The following GAB2 variants were observed in gnomAD, a reference collection of about 807,000 sequenced individuals.
The protein encoded by GAB2 is GRB2-associated-binding protein 2.
GAB2 carries 26 observed loss-of-function variants against 65.5 expected under a neutral mutation model. That is an observed-to-expected ratio of 0.40 (90% CI 0.29 to 0.55). The LOEUF (loss-of-function observed/expected upper bound fraction) is 0.55. GAB2 is among the 20% of genes least tolerant of loss of function. GAB2 has a pLI of 0.53. For missense variants in GAB2, 884 were observed against 875.8 expected, an observed-to-expected ratio of 1.01 and a Z score of -0.12; for synonymous variants, 321 against 329.6, an observed-to-expected ratio of 0.97 and a Z score of 0.28.
chr11:78,224,700 C>T (rs910976031), intron 5 of GAB2, among the ~76,000 whole-genome samples: 2 of 152,128 alleles, frequency 1.3e-5, no homozygotes, highest in African/African-American at 4.8e-5. Flanking sequence ...ATCCTGCACT[C>T]AAGCCATAAT....
rs1366433108 is a variant in GAB2, at chr11:78,417,666, C to T, written c.55G>A (p.Glu19Lys). ...CTGWLRKSPP[E>K]KKLRRYAWKK... ...CTCACATAGCGCCTCAACTTCTTCTCGGGAGGCGATTTCCTCAGCCAGCCG... is the reference window on the plus strand; with the variant it reads ...CTCACATAGCGCCTCAACTTCTTCTTGGGAGGCGATTTCCTCAGCCAGCCG... Residue 19 changes from glutamate (E) to lysine (K), a missense_variant, in exon 1 of 10, where the codon GAG (glutamate) becomes AAG (lysine). Physicochemically the swap from Glu to Lys is moderately conservative, Grantham distance 56. Transcript: ENST00000361507. The T allele has an allele frequency of 7.2e-7, 1 of 1,389,880 alleles. No homozygotes were observed. 86.1% of individuals were successfully genotyped at this position (1,389,880 alleles called of 1,614,324 possible). A position where few individuals can be genotyped will look rare whatever the true frequency, so the allele number is the denominator to read the frequency against.
chr11:78,286,151 C>G (rs1460885198), intron 1 of GAB2, among the ~76,000 whole-genome samples: 1 of 152,204 alleles, frequency 6.6e-6, no homozygotes, highest in Non-Finnish European at 1.5e-5. Flanking sequence ...TTCCTCGTCT[C>G]ACAGAATTTA....
intron 1 of GAB2, among the ~76,000 whole-genome samples, chr11:78,323,662 T>G: frequency 6.7e-6 from 1 of 148,492 alleles, no homozygotes; most frequent in Admixed American, 6.7e-5. Flanking sequence ...AGGAGGGGGG[T>G]AAGGTTGAGA....
chr11:78,357,931 C>A (rs984406538), intron 1 of GAB2, among the ~76,000 whole-genome samples: 5 of 152,164 alleles, frequency 3.3e-5, no homozygotes, highest in Non-Finnish European at 5.9e-5. Context: ...TTGATCCAGC[C>A]ATCCCATTAC....
At chr11:78,274,919 G>A (rs1016955186) in intron 2 of GAB2, among the ~76,000 whole-genome samples, 2 of 152,212 alleles carry the variant, frequency 1.3e-5, no homozygotes, top group African/African-American at 4.8e-5. Flanking sequence ...GGTTAGACTA[G>A]AATCCCAACT....
intron 1 of GAB2, among the ~76,000 whole-genome samples, chr11:78,381,047 C>CTTAA (rs201466696): frequency 6.6e-6 from 1 of 152,194 alleles, no homozygotes; most frequent in Non-Finnish European, 1.5e-5. Context: ...GGTGGCCATA[C>CTTAA]TTAAGCTTTG....
chr11:78,373,248 T>G (rs1856594685), intron 1 of GAB2, among the ~76,000 whole-genome samples: 1 of 151,874 alleles, frequency 6.6e-6, no homozygotes, highest in Non-Finnish European at 1.5e-5. Flanking sequence ...CTTTTTTTTT[T>G]TTTTTTTTGA....
intron 1 of GAB2, among the ~76,000 whole-genome samples, chr11:78,351,419 T>A (rs1268917048): frequency 6.6e-6 from 1 of 152,218 alleles, no homozygotes; most frequent in Non-Finnish European, 1.5e-5. Flanking sequence ...CCTCTCTGGA[T>A]TCCCAGGTGG....
At chr11:78,250,800 G>A (rs765376135) in intron 2 of GAB2, among the ~76,000 whole-genome samples, 10 of 152,162 alleles carry the variant, frequency 6.6e-5, no homozygotes, top group Non-Finnish European at 1.2e-4. Flanking sequence ...GTCTTTTGCA[G>A]CAACATGAAT....
intron 1 of GAB2, among the ~76,000 whole-genome samples, chr11:78,307,568 G>C (rs987427192): frequency 7.1e-6 from 1 of 141,240 alleles, no homozygotes; most frequent in East Asian, 2.1e-4. Flanking sequence ...GACCAGCATG[G>C]GAAAGATGGT....
intron 1 of GAB2, among the ~76,000 whole-genome samples, chr11:78,331,435 C>T (rs996934463): frequency 3.9e-5 from 6 of 151,942 alleles, no homozygotes; most frequent in African/African-American, 1.4e-4. Flanking sequence ...TTAGTAGAGA[C>T]GGGGTTTTAC....
chr11:78,395,646 G>C (rs1348836905), intron 1 of GAB2, among the ~76,000 whole-genome samples: 1 of 152,206 alleles, frequency 6.6e-6, no homozygotes, highest in East Asian at 1.9e-4. Flanking sequence ...GAGGAGAAGG[G>C]AGATTTGGAC....
rs141562634 is a variant in GAB2, at chr11:78,276,481, G to C, written c.376+4120C>G. ...CTCCTCCTTAGGGAGGCCTAAGCTGGTGGTGTATGTGTCGCTAATCTTGGT... is the reference window on the plus strand; with the variant it reads ...CTCCTCCTTAGGGAGGCCTAAGCTGCTGGTGTATGTGTCGCTAATCTTGGT... On this transcript the variant is annotated intron_variant, in intron 2 of 9. Transcript: ENST00000361507. Among the ~76,000 whole-genome samples, 7 of 152,260 alleles carry C rather than the reference G, an allele frequency of 4.6e-5. 1 individual carries two copies. The East Asian group carries it at 1.4e-3, about 30-fold the overall frequency.
chr11:78,360,670 C>CAACATGGCGAA (rs1856422811), intron 1 of GAB2, among the ~76,000 whole-genome samples: 1 of 152,032 alleles, frequency 6.6e-6, no homozygotes, highest in South Asian at 2.1e-4. Flanking sequence ...CCAGCCTGGC[C>CAACATGGCGAA]AACATGGCGA....
At chr11:78,382,605 G>A (rs970682414) in intron 1 of GAB2, among the ~76,000 whole-genome samples, 20 of 152,116 alleles carry the variant, frequency 1.3e-4, no homozygotes, top group African/African-American at 4.8e-4. Flanking sequence ...GTAAGTCTCT[G>A]TGTATTGCAT....
intron 1 of GAB2, among the ~76,000 whole-genome samples, chr11:78,392,864 C>CT (rs1415089582): frequency 6.6e-6 from 1 of 152,228 alleles, no homozygotes; most frequent in African/African-American, 2.4e-5. Flanking sequence ...GCCTCTGACA[C>CT]TGCCCCACTC....
chr11:78,350,285 C>T (rs1173454967), intron 1 of GAB2, among the ~76,000 whole-genome samples: 1 of 152,160 alleles, frequency 6.6e-6, no homozygotes, highest in East Asian at 1.9e-4. Context: ...GGAACCCACA[C>T]TGCAGAGGAA....
chr11:78,363,402 C>A (rs896756889), intron 1 of GAB2, among the ~76,000 whole-genome samples: 2 of 152,072 alleles, frequency 1.3e-5, no homozygotes, highest in Non-Finnish European at 2.9e-5. Flanking sequence ...AGTAGGTGCT[C>A]AATAAATGTT....
intron 1 of GAB2, among the ~76,000 whole-genome samples, chr11:78,325,092 C>G (rs1406549542): frequency 2.0e-5 from 3 of 152,198 alleles, no homozygotes; most frequent in Admixed American, 1.3e-4. Flanking sequence ...TGTACCTGCA[C>G]ACTGCTACTT....
Sources: allele counts gnomAD v4.1 joint callset (sites outside exome capture counted in the v4.1 genomes callset), GRCh38; gene constraint gnomAD v4.1.1; transcripts MANE v1.5; gene names NCBI Gene and HGNC (gene_info 2026-07-23, HGNC 2026-07-21).